KCNH1: variants seen among roughly 807,000 people sequenced by gnomAD.
KCNH1 encodes the protein potassium voltage-gated channel subfamily H member 1.
A neutral mutation model predicts 69.2 loss-of-function variants in KCNH1; 27 were observed. The ratio of observed to expected loss-of-function variants is 0.39; its 90% CI spans 0.29 to 0.54. The LOEUF (loss-of-function observed/expected upper bound fraction) is 0.54, where lower values mean the gene tolerates loss of function less well. Among genes scored for constraint, KCNH1 ranks in the 20% least tolerant of loss-of-function variants. The probability of loss-of-function intolerance (pLI) is 0.68; values close to 1 mark genes in which losing one functional copy is unlikely to be tolerated. For synonymous variants in KCNH1, 456 were observed against 487.7 expected (o/e 0.93, Z 0.86); for missense variants, 798 against 1,261.6 (o/e 0.63, Z 5.57).
intron 7 of KCNH1, among the ~76,000 whole-genome samples, chr1:210,806,047 G>A (rs1198063105): frequency 6.6e-6 from 1 of 152,156 alleles, no homozygotes; most frequent in Non-Finnish European, 1.5e-5. Context: ...AAGTTTTTAT[G>A]TGAACATATT....
intron 7 of KCNH1, among the ~76,000 whole-genome samples, chr1:210,856,545 A>C (rs1420402826): frequency 6.6e-6 from 1 of 151,490 alleles, no homozygotes; most frequent in East Asian, 1.9e-4. Flanking sequence ...CTTCTTCCTC[A>C]TTCTCCAGCT....
intron 6 of KCNH1, among the ~76,000 whole-genome samples, chr1:210,929,248 C>A (rs1299647291): frequency 1.3e-5 from 2 of 152,108 alleles, no homozygotes; most frequent in Non-Finnish European, 2.9e-5. Context: ...AGGCCAATAT[C>A]CCTGATGAAC....
intron 6 of KCNH1, among the ~76,000 whole-genome samples, chr1:210,996,833 T>TGCTGTTCTATAGCCACC (rs1267693793): frequency 1.3e-5 from 2 of 152,078 alleles, no homozygotes; most frequent in Admixed American, 6.5e-5. Context: ...CACCAATATC[T>TGCTGTTCTATAGCCACC]GCTGTTCTAT....
chr1:211,021,839 C>T (rs1017539183), intron 5 of KCNH1, among the ~76,000 whole-genome samples: 2 of 151,750 alleles, frequency 1.3e-5, no homozygotes, highest in African/African-American at 2.4e-5. Flanking sequence ...GAAGAGGACA[C>T]AAAAAATGGA....
Position 210,681,279 on chromosome 1 carries a change from G to C in KCNH1, c.*2002C>G, listed in dbSNP as rs146680793. On this transcript the variant is annotated 3_prime_UTR_variant, in exon 11 of 11. Transcript: ENST00000271751. ...GCTTCTCAAGTGAAAGAGGCTGAAG[G>C]CCTCACAGCTTTATTCAAAGTCACA... 1 of 152,210 alleles carries C rather than the reference G, an allele frequency of 6.6e-6. No individual in the cohort carries two copies. Among genetic ancestry groups the C allele is most frequent in the Non-Finnish European group, 1.5e-5 (1 of 68,040 alleles). The allele number at this position is 152,210 out of a possible 1,614,324, so 9.4% of individuals were successfully genotyped here. A position where few individuals can be genotyped will look rare whatever the true frequency, so the allele number is the denominator to read the frequency against.
In KCNH1 at chr1:210,755,634, A is replaced by G. The variant is rs371175007; in HGVS notation, c.2112+19714T>C. On this transcript the variant is annotated intron_variant, in intron 10 of 10. Coordinates refer to ENST00000271751, the MANE Select transcript of KCNH1 (RefSeq NM_172362.3). Reference sequence around the variant, plus strand: ...GCCTCCCTGGGCAAGAAGTTTGTCTATACAGAGCAGATACCGGGTTCCTCT... The same window carrying G: ...GCCTCCCTGGGCAAGAAGTTTGTCTGTACAGAGCAGATACCGGGTTCCTCT... Among the ~76,000 whole-genome samples, 4 of 152,320 alleles carry G rather than the reference A, an allele frequency of 2.6e-5. No homozygotes were observed. In the East Asian group the frequency reaches 5.8e-4, roughly 22 times the overall value.
intron 1 of KCNH1, among the ~76,000 whole-genome samples, chr1:211,124,833 T>C (rs1691750338): frequency 6.6e-6 from 1 of 152,204 alleles, no homozygotes; most frequent in Non-Finnish European, 1.5e-5. Flanking sequence ...TTTATAACAC[T>C]GGCCAATTTC....
chr1:211,036,991 GT>G (rs1038498508), intron 5 of KCNH1, among the ~76,000 whole-genome samples: 1 of 152,214 alleles, frequency 6.6e-6, no homozygotes, highest in Admixed American at 6.5e-5. Flanking sequence ...TATTTATGGG[GT>G]CAAACAATGC....
intron 6 of KCNH1, among the ~76,000 whole-genome samples, chr1:210,986,061 G>C (rs752116243): frequency 1.1e-4 from 17 of 152,074 alleles, no homozygotes; most frequent in South Asian, 4.1e-4. Flanking sequence ...CTCTTTTGAT[G>C]TTTGTTGGTT....
At chr1:211,116,252 T>G (rs1691580088) in intron 1 of KCNH1, among the ~76,000 whole-genome samples, 1 of 152,192 alleles carries the variant, frequency 6.6e-6, no homozygotes, top group Non-Finnish European at 1.5e-5. Context: ...AGAATAATGT[T>G]AGACTAAATA....
chr1:211,082,909 T>A lies in KCNH1; in HGVS notation c.440-11A>T, dbSNP rs1690883669. 2 of 1,608,112 alleles carry A rather than the reference T, an allele frequency of 1.2e-6. No individual in the cohort carries two copies. The highest frequency in any genetic ancestry group is 1.7e-5 in the Admixed American group (1 of 59,802). On this transcript the variant is annotated splice_polypyrimidine_tract_variant and intron_variant, in intron 4 of 10. Coordinates refer to ENST00000271751, the MANE Select transcript of KCNH1 (RefSeq NM_172362.3). ...CAAACTTCCCCCAGCCTGAAGCAAG[T>A]GGAAGAGTGAAAAGACAGGGTCAAC...
At chr1:211,107,218 T>C (rs752748832) in intron 2 of KCNH1, 36 bp downstream of exon 2, 16 of 1,610,678 alleles carry the variant, frequency 9.9e-6, no homozygotes, top group Middle Eastern at 1.7e-4. Flanking sequence ...GATACCATAA[T>C]AGATTGTTCA....
At chr1:210,801,919 T>G (rs1255959244) in intron 8 of KCNH1, among the ~76,000 whole-genome samples, 3 of 152,240 alleles carry the variant, frequency 2.0e-5, no homozygotes, top group African/African-American at 7.2e-5. Flanking sequence ...GTACATGTTT[T>G]AAATTTTTTT....
chr1:211,128,075 G>T (rs1319617969), intron 1 of KCNH1, among the ~76,000 whole-genome samples: 1 of 152,102 alleles, frequency 6.6e-6, no homozygotes, highest in Non-Finnish European at 1.5e-5. Context: ...CGGATCACAA[G>T]GTCAGGAGTT....
chr1:210,996,938 C>T (rs1689055577), intron 6 of KCNH1, among the ~76,000 whole-genome samples: 1 of 152,242 alleles, frequency 6.6e-6, no homozygotes, highest in Non-Finnish European at 1.5e-5. Flanking sequence ...CAAACTCCAA[C>T]AGACCTGAGG....
chr1:210,845,469 G>A (rs1371077289), intron 7 of KCNH1, among the ~76,000 whole-genome samples: 2 of 152,054 alleles, frequency 1.3e-5, no homozygotes, highest in African/African-American at 2.4e-5. Context: ...CAGAACCAAA[G>A]ACAAAAACCA....
chr1:210,990,323 A>G (rs1273771669), intron 6 of KCNH1, among the ~76,000 whole-genome samples: 1 of 152,256 alleles, frequency 6.6e-6, no homozygotes, highest in Non-Finnish European at 1.5e-5. Context: ...AGATAGATCC[A>G]TGGATCCTTG....
chr1:211,079,389 C>T (rs766796591), intron 5 of KCNH1, among the ~76,000 whole-genome samples: 7 of 152,174 alleles, frequency 4.6e-5, no homozygotes, highest in Non-Finnish European at 1.0e-4. Flanking sequence ...ACCAGAGCTA[C>T]AAAGAGGAGC....
chr1:210,875,043 A>C (rs923617045), intron 7 of KCNH1, among the ~76,000 whole-genome samples: 1 of 152,216 alleles, frequency 6.6e-6, no homozygotes, highest in African/African-American at 2.4e-5. Context: ...ATGAAAAAGG[A>C]AGGCAAAAGA....
Sources: gnomAD v4.1 joint callset for allele counts (sites outside exome capture counted in the v4.1 genomes callset) on GRCh38, gnomAD v4.1.1 for gene constraint, MANE v1.5 for transcripts, NCBI Gene and HGNC (gene_info 2026-07-23, HGNC 2026-07-21) for gene names.